Variants in FXYD2 observed in about 807,000 individuals in gnomAD.
The protein encoded by FXYD2 is FXYD domain containing ion transport regulator 2.
A neutral mutation model predicts 11.8 loss-of-function variants in FXYD2; 8 were observed. That is an observed-to-expected ratio of 0.68 (90% CI 0.40 to 1.22). The LOEUF (loss-of-function observed/expected upper bound fraction) is 1.22. FXYD2 is among the 50% of genes most tolerant of loss of function. The pLI is 0.01. For missense variants in FXYD2, 92 were observed against 91.8 expected (o/e 1.00, Z -0.01); for synonymous variants, 42 against 33.3 (o/e 1.26, Z -0.90).
rs2055861803 is a variant in FXYD2 at position 117,820,059 on chromosome 11, G to A, written c.*320C>T. The A allele has an allele frequency of 1.3e-5, 2 of 152,932 alleles. No individual in the cohort carries two copies. Among genetic ancestry groups the A allele is most frequent in the Non-Finnish European group, 1.5e-5 (1 of 68,512 alleles). 9.5% of individuals were successfully genotyped at this position (152,932 alleles called of 1,614,324 possible). A position where few individuals can be genotyped will look rare whatever the true frequency, so the allele number is the denominator to read the frequency against. On this transcript the variant is annotated 3_prime_UTR_variant, in exon 6 of 6. Transcript: ENST00000292079. The stretch of plus-strand genomic sequence containing the variant: ...CAGACAGGTGCCTGAGCAATTAATT[G>A]AAAAAACAAATGAGACCCGGCTGTA...
chr11:117,821,600 T>G, intron 3 of FXYD2: 1 of 986,068 alleles, frequency 1.0e-6, no homozygotes, highest in South Asian at 4.7e-5. Context: ...GCCTATGTGA[T>G]CAGCTGCCAC....
chr11:117,822,500 G>C lies in FXYD2; in HGVS notation c.65-20C>G. On this transcript the variant is annotated intron_variant, in intron 2 of 5. Coordinates refer to ENST00000292079, the MANE Select transcript of FXYD2 (RefSeq NM_001680.5). This position sits in a 1 kb window ranked among gnomAD's most constrained non-coding sequence, Gnocchi z 4.7. ...CATAGTCTCCGGAAAGAGAGGGCAA[G>C]AGGAGCGGGATGGGTGGTCTCTCCC... The C allele has an allele frequency of 6.4e-7, 1 of 1,557,642 alleles. No homozygotes were observed. Among genetic ancestry groups the C allele is most frequent in the Non-Finnish European group, 8.7e-7 (1 of 1,149,922 alleles).
Position 117,822,368 on chromosome 11 carries a change from C to T in FXYD2, c.139+38G>A, listed in dbSNP as rs553468000. On this transcript the variant is annotated intron_variant, in intron 3 of 5. Transcript: ENST00000292079. This position sits in a 1 kb window ranked among gnomAD's most constrained non-coding sequence, Gnocchi z 4.7. ...CAGCGGCCTTGAGAAGAGAGGTGCC[C>T]TGGTCAGCACCCCTTCCCTGGAGGC... 1.3e-6 allele frequency: 2 copies of T among 1,551,116 alleles called. No homozygotes were observed. The highest frequency in any genetic ancestry group is 2.7e-5 in the African/African-American group (2 of 73,166).
upstream of FXYD2, among the ~76,000 whole-genome samples, chr11:117,825,224 C>T (rs1444372716): frequency 6.6e-6 from 1 of 152,186 alleles, no homozygotes; most frequent in African/African-American, 2.4e-5. Flanking sequence ...CACCACATCC[C>T]TGGAGCACCG....
Position 117,822,643 on chromosome 11 carries a change from A to G in FXYD2, c.64+36T>C, listed in dbSNP as rs1411370739. 6.2e-7 allele frequency: 1 copy of G among 1,604,064 alleles called. No individual in the cohort carries two copies. Among genetic ancestry groups the G allele is most frequent in the South Asian group, 1.1e-5 (1 of 88,630 alleles). ...CCGCTGCTTGGTGGAAGGGGTCCTG[A>G]GGGCTCAGGAAGGGTGCGCAGGGGC... On this transcript the variant is annotated intron_variant, in intron 2 of 5. Coordinates refer to ENST00000292079, the MANE Select transcript of FXYD2 (RefSeq NM_001680.5). This position sits in a 1 kb window ranked among gnomAD's most constrained non-coding sequence, Gnocchi z 4.7.
At chr11:117,827,843 G>A (rs1342662820), upstream of FXYD2, 27 of 706,218 alleles carry the variant, frequency 3.8e-5, no homozygotes, top group Admixed American at 2.8e-4. Context: ...CAGTGACTCC[G>A]TATGGAGATG....
intron 1 of FXYD2, among the ~76,000 whole-genome samples, chr11:117,823,569 G>A (rs1202570895): frequency 6.6e-6 from 1 of 152,226 alleles, no homozygotes; most frequent in Non-Finnish European, 1.5e-5. Flanking sequence ...GGCCTCCCCC[G>A]GATTTGGAGC....
At chr11:117,826,435 A>G (rs544365161), upstream of FXYD2, among the ~76,000 whole-genome samples, 19 of 152,334 alleles carry the variant, frequency 1.2e-4, no homozygotes, top group East Asian at 3.5e-3. Context: ...TTACAGATAA[A>G]GAAACTTGAG....
rs1342597544 is a variant in FXYD2 at position 117,824,734 on chromosome 11, GGA to G, written c.-58_-57del. ...CCTCTTCCTGCTGTCTCTGCTTTTT[GGA>G]GAGTGTCTGGCTGCCTCCACGGGGT... On this transcript the variant is annotated 5_prime_UTR_variant, in exon 1 of 6. Coordinates refer to ENST00000292079, the MANE Select transcript of FXYD2 (RefSeq NM_001680.5). The surrounding 1 kb of genome is among the most constrained non-coding windows in gnomAD (Gnocchi z 4.0). 21 of 1,608,868 alleles carry G rather than the reference GGA, an allele frequency of 1.3e-5. 1 individual carries two copies. In the East Asian group the frequency reaches 4.3e-4, roughly 33 times the overall value.
chr11:117,821,025 A>G, intron 3 of FXYD2, 130 bp from the exon 4 acceptor site: 2 of 1,107,300 alleles, frequency 1.8e-6, no homozygotes, highest in Non-Finnish European at 2.7e-6. Context: ...CTTGGAGGCC[A>G]CGTTTGACTG....
chr11:117,826,778 G>GTCTGTCTATCTATCTA (rs1344802450), upstream of FXYD2, among the ~76,000 whole-genome samples: 4 of 125,780 alleles, frequency 3.2e-5, no homozygotes, highest in Non-Finnish European at 7.0e-5. Flanking sequence ...CTGTCTGTCT[G>GTCTGTCTATCTATCTA]TCTATCTATC....
chr11:117,826,778 GTCTATCTATCTATCTATCTA>G (rs150585221), upstream of FXYD2, among the ~76,000 whole-genome samples: 4 of 125,876 alleles, frequency 3.2e-5, no homozygotes, highest in East Asian at 2.3e-4. Context: ...CTGTCTGTCT[GTCTATCTATCTATCTATCTA>G]TCTATCTATC....
rs143516644 is a variant in FXYD2, at chr11:117,822,300, G to A, written c.139+106C>T. The A allele has an allele frequency of 2.1e-4, 317 of 1,545,718 alleles. No individual in the cohort carries two copies. The African/African-American group carries it at 3.6e-3, about 18-fold the overall frequency. Reference sequence around the variant, plus strand: ...ATCCTGCAGTGGGGGGCGTGGTGGGGAGGCTCACCCCTCCCTTGGCAACTC... The same window carrying A: ...ATCCTGCAGTGGGGGGCGTGGTGGGAAGGCTCACCCCTCCCTTGGCAACTC... On this transcript the variant is annotated intron_variant, in intron 3 of 5. Transcript: ENST00000292079. This position sits in a 1 kb window ranked among gnomAD's most constrained non-coding sequence, Gnocchi z 4.7.
chr11:117,823,690 C>T (rs942225707), intron 1 of FXYD2, among the ~76,000 whole-genome samples: 2 of 152,254 alleles, frequency 1.3e-5, no homozygotes, highest in Non-Finnish European at 2.9e-5. Flanking sequence ...GGCCGCTACT[C>T]TTTCCTGCCC....
upstream of FXYD2, chr11:117,827,966 G>A: frequency 7.1e-7 from 1 of 1,412,390 alleles, no homozygotes. Flanking sequence ...GCCTGAGCAG[G>A]GAGGAGGAAT....
chr11:117,820,772 C>T (rs2055880843), intron 4 of FXYD2, 76 bp from the exon 5 acceptor site: 1 of 1,613,086 alleles, frequency 6.2e-7, no homozygotes, highest in Non-Finnish European at 8.5e-7. Context: ...GGCTGGGGAT[C>T]CTCCACTGTG....
upstream of FXYD2, among the ~76,000 whole-genome samples, chr11:117,826,107 C>T (rs554756159): frequency 2.6e-5 from 4 of 152,282 alleles, no homozygotes; most frequent in East Asian, 5.8e-4. Flanking sequence ...GCCTGGCACA[C>T]GGTGAGTGGC....
Position 117,822,532 on chromosome 11 carries a change from T to C in FXYD2, c.65-52A>G. On this transcript the variant is annotated intron_variant, in intron 2 of 5. Transcript: ENST00000292079. The surrounding 1 kb of genome is among the most constrained non-coding windows in gnomAD (Gnocchi z 4.7). The stretch of plus-strand genomic sequence containing the variant: ...GGGATGGGTGGTCTCTCCCAGCAGC[T>C]GTCTCTCTCCGCAGCCTGCCCGCAG... 6.4e-7 allele frequency: 1 copy of C among 1,556,008 alleles called. No homozygotes were observed. The highest frequency in any genetic ancestry group is 8.7e-7 in the Non-Finnish European group (1 of 1,149,150).
chr11:117,823,276 A>G lies in FXYD2; in HGVS notation c.26-559T>C, dbSNP rs1251987886. Reference sequence around the variant, plus strand: ...ATCTAGTTAAGAAACATTAATATATAGTGCTGGTCAGGCACCGGGCAAAAA... The same window carrying G: ...ATCTAGTTAAGAAACATTAATATATGGTGCTGGTCAGGCACCGGGCAAAAA... On this transcript the variant is annotated intron_variant, in intron 1 of 5. Coordinates refer to ENST00000292079, the MANE Select transcript of FXYD2 (RefSeq NM_001680.5). 2.6e-5 allele frequency among the ~76,000 whole-genome samples: 4 copies of G among 152,346 alleles called. No individual in the cohort carries two copies. The East Asian group carries it at 7.7e-4, about 29-fold the overall frequency.
Sources: gnomAD v4.1 joint callset for allele counts (sites outside exome capture counted in the v4.1 genomes callset) on GRCh38, gnomAD v4.1.1 for gene constraint, Gnocchi (gnomAD v3.1) non-coding constraint, MANE v1.5 for transcripts, NCBI Gene and HGNC (gene_info 2026-07-23, HGNC 2026-07-21) for gene names.